The following FHIT variants were observed in gnomAD, a reference collection of about 807,000 sequenced individuals.
FHIT encodes fragile histidine triad diadenosine triphosphatase.
Under a neutral mutation model 17.9 loss-of-function variants are expected in FHIT, and 19 were observed. That is an observed-to-expected ratio of 1.06 (90% CI 0.74 to 1.56). FHIT has a LOEUF of 1.56. Among genes scored for constraint, FHIT ranks in the 40% most tolerant of loss-of-function variants. The pLI, the probability that FHIT is intolerant of heterozygous loss-of-function variation, is 0.00. For synonymous variants in FHIT, 81 were observed against 69.7 expected, an observed-to-expected ratio of 1.16 and a Z score of -0.81; for missense variants, 248 against 189.2, an observed-to-expected ratio of 1.31 and a Z score of -1.82.
chr3:59,771,992 C>T (rs542571044), intron 8 of FHIT, among the ~76,000 whole-genome samples: 4 of 152,306 alleles, frequency 2.6e-5, no homozygotes, highest in East Asian at 3.9e-4. Flanking sequence ...ATACATCTGC[C>T]TCCAAGGAGC....
Position 60,460,212 on chromosome 3 carries a change from T to C in FHIT, c.103+76648A>G, listed in dbSNP as rs77138126. ...TTCGGGGGGCAAATCTGATGAGGAC[T>C]TATTTTGGGAAACATTAAAATTAGG... is the stretch of plus-strand genomic sequence containing the variant. On this transcript the variant is annotated intron_variant, in intron 5 of 9. Transcript: ENST00000492590. Among the ~76,000 whole-genome samples, 622 of 152,292 alleles carry C rather than the reference T, an allele frequency of 4.1e-3. 9 individuals carry two copies. Among genetic ancestry groups the C allele is most frequent in the African/African-American group, 0.013 (559 of 41,568 alleles).
chr3:61,222,179 C>T (rs1449523181), intron 1 of FHIT, among the ~76,000 whole-genome samples: 1 of 152,146 alleles, frequency 6.6e-6, no homozygotes, highest in Non-Finnish European at 1.5e-5. Flanking sequence ...CAGAGCAGAC[C>T]AAAGTTCATC....
chr3:60,679,860 T>C (rs549392262), intron 4 of FHIT, among the ~76,000 whole-genome samples: 54 of 152,202 alleles, frequency 3.5e-4, no homozygotes, highest in Non-Finnish European at 5.9e-4. Context: ...GGTATTAGAT[T>C]GCATTCTTCT....
At chr3:60,672,401 G>T (rs1553694164) in intron 4 of FHIT, among the ~76,000 whole-genome samples, 1 of 151,908 alleles carries the variant, frequency 6.6e-6, no homozygotes, top group Non-Finnish European at 1.5e-5. Context: ...GGCAGGAGTG[G>T]GGGTCGCAAG....
chr3:60,462,432 C>T (rs1359515490), intron 5 of FHIT, among the ~76,000 whole-genome samples: 1 of 152,132 alleles, frequency 6.6e-6, no homozygotes, highest in East Asian at 1.9e-4. Context: ...ACTGTAAGAA[C>T]CCAAATGTCA....
intron 5 of FHIT, among the ~76,000 whole-genome samples, chr3:60,344,555 GCT>G (rs779223249): frequency 2.0e-5 from 3 of 152,100 alleles, no homozygotes; most frequent in Non-Finnish European, 4.4e-5. Flanking sequence ...TTCAGATTAT[GCT>G]CTCTCTTGAG....
At chr3:60,986,765 T>C (rs1710735093) in intron 3 of FHIT, among the ~76,000 whole-genome samples, 1 of 152,164 alleles carries the variant, frequency 6.6e-6, no homozygotes, top group African/African-American at 2.4e-5. Context: ...ACCAGCATCA[T>C]AGGAATAGCC....
intron 5 of FHIT, among the ~76,000 whole-genome samples, chr3:60,102,099 A>G (rs1704216010): frequency 6.6e-6 from 1 of 152,242 alleles, no homozygotes; most frequent in Admixed American, 6.5e-5. Flanking sequence ...TACAGAAATC[A>G]TGGCTAAATC....
chr3:59,939,440 G>A (rs974791212), intron 7 of FHIT, among the ~76,000 whole-genome samples: 8 of 152,254 alleles, frequency 5.3e-5, no homozygotes, highest in East Asian at 1.9e-4. Context: ...TTACAGTGGC[G>A]GAGACCTTTT....
chr3:60,205,775 T>C (rs213314), intron 5 of FHIT, among the ~76,000 whole-genome samples: 2 of 152,078 alleles, frequency 1.3e-5, no homozygotes, highest in Non-Finnish European at 2.9e-5. Flanking sequence ...TATGCATTTT[T>C]GGTGAAATTG....
At chr3:60,342,704 A>G (rs1710586283) in intron 5 of FHIT, among the ~76,000 whole-genome samples, 1 of 152,222 alleles carries the variant, frequency 6.6e-6, no homozygotes, top group Non-Finnish European at 1.5e-5. Flanking sequence ...TTGAAAGAGA[A>G]GTAAGATGTT....
At chr3:60,784,246 C>A (rs1307576795) in intron 4 of FHIT, among the ~76,000 whole-genome samples, 1 of 152,166 alleles carries the variant, frequency 6.6e-6, no homozygotes, top group Non-Finnish European at 1.5e-5. Flanking sequence ...TGGGAGCAAC[C>A]TGTAAGAGGC....
chr3:60,241,893 T>G (rs1191560098), intron 5 of FHIT, among the ~76,000 whole-genome samples: 1 of 152,178 alleles, frequency 6.6e-6, no homozygotes, highest in African/African-American at 2.4e-5. Flanking sequence ...CTAGTAATTT[T>G]GTAATTCATT....
At chr3:60,243,448 G>A (rs1705235241) in intron 5 of FHIT, among the ~76,000 whole-genome samples, 1 of 152,058 alleles carries the variant, frequency 6.6e-6, no homozygotes, top group Admixed American at 6.6e-5. Context: ...CCATGGAGAG[G>A]CGATGGGGAG....
intron 7 of FHIT, among the ~76,000 whole-genome samples, chr3:59,956,122 C>T (rs112020050): frequency 0.011 from 1,681 of 152,300 alleles, 38 homozygotes; most frequent in African/African-American, 0.038. Flanking sequence ...AACAATCATG[C>T]TTTTTGTAGA....
At chr3:60,983,397 C>G (rs933842576) in intron 3 of FHIT, among the ~76,000 whole-genome samples, 4 of 152,186 alleles carry the variant, frequency 2.6e-5, no homozygotes, top group Non-Finnish European at 4.4e-5. Context: ...CAGGACCCAT[C>G]TTCTGAGGCA....
At chr3:59,894,657 G>A (rs1175361415) in intron 8 of FHIT, among the ~76,000 whole-genome samples, 1 of 152,132 alleles carries the variant, frequency 6.6e-6, no homozygotes, top group East Asian at 1.9e-4. Flanking sequence ...TGGTGGTTCT[G>A]TAGTATGTTT....
chr3:59,826,696 A>G (rs1040759343), intron 8 of FHIT, among the ~76,000 whole-genome samples: 2 of 152,270 alleles, frequency 1.3e-5, no homozygotes, highest in Non-Finnish European at 2.9e-5. Flanking sequence ...TGTCTCATAC[A>G]TGCTGCTGGA....
intron 3 of FHIT, among the ~76,000 whole-genome samples, chr3:61,022,695 C>A (rs762751018): frequency 6.6e-6 from 1 of 152,124 alleles, no homozygotes; most frequent in Non-Finnish European, 1.5e-5. Flanking sequence ...TCAATATACA[C>A]AAATCAATAA....
Sources: allele counts gnomAD v4.1 joint callset (sites outside exome capture counted in the v4.1 genomes callset), GRCh38; gene constraint gnomAD v4.1.1; transcripts MANE v1.5; gene names NCBI Gene and HGNC (gene_info 2026-07-23, HGNC 2026-07-21).